GPR158: variants seen among roughly 807,000 people sequenced by gnomAD.
GPR158 encodes G protein-coupled receptor 158.
GPR158 carries 30 observed loss-of-function variants against 78.2 expected under a neutral mutation model. That is an observed-to-expected ratio of 0.38 (90% confidence interval 0.29 to 0.52). GPR158 has a LOEUF of 0.52. Among genes scored for constraint, GPR158 ranks in the 20% least tolerant of loss-of-function variants. The pLI, the probability that GPR158 is intolerant of heterozygous loss-of-function variation, is 0.83. For missense variants in GPR158, 1,463 were observed against 1,523.5 expected, an observed-to-expected ratio of 0.96 and a Z score of 0.66; for synonymous variants, 581 against 591.1, an observed-to-expected ratio of 0.98 and a Z score of 0.25.
At chr10:25,449,767 G>T (rs1422713433) in intron 4 of GPR158, among the ~76,000 whole-genome samples, 2 of 152,068 alleles carry the variant, frequency 1.3e-5, no homozygotes, top group African/African-American at 4.8e-5. Context: ...TGAGGTAATG[G>T]ATATGCTAAT....
chr10:25,583,159 G>A (rs1030836230), intron 7 of GPR158, among the ~76,000 whole-genome samples: 2 of 152,070 alleles, frequency 1.3e-5, no homozygotes, highest in Non-Finnish European at 2.9e-5. Context: ...GCTGGAAAGG[G>A]AACACATACC....
chr10:25,503,810 T>A (rs1437462964), intron 5 of GPR158, among the ~76,000 whole-genome samples: 1 of 152,170 alleles, frequency 6.6e-6, no homozygotes, highest in Non-Finnish European at 1.5e-5. Context: ...TATTTCTTTC[T>A]TTAGTCACAT....
chr10:25,568,511 G>T (rs556070535), intron 6 of GPR158, among the ~76,000 whole-genome samples: 1 of 152,262 alleles, frequency 6.6e-6, no homozygotes, highest in South Asian at 2.1e-4. Context: ...GAAGGTTCCA[G>T]CCACACCAAA....
chr10:25,219,368 G>A (rs1853266339), intron 1 of GPR158, among the ~76,000 whole-genome samples: 1 of 152,166 alleles, frequency 6.6e-6, no homozygotes, highest in South Asian at 2.1e-4. Flanking sequence ...AAAGAGGAAA[G>A]GCATGAACTG....
In GPR158 at chr10:25,599,299, G is replaced by C; in HGVS notation, c.*25G>C. 6.5e-7 allele frequency: 1 copy of C among 1,530,362 alleles called. No individual in the cohort carries two copies. 94.8% of individuals were successfully genotyped at this position (1,530,362 alleles called of 1,614,324 possible). On this transcript the variant is annotated 3_prime_UTR_variant, in exon 11 of 11. Coordinates refer to ENST00000376351, the MANE Select transcript of GPR158 (RefSeq NM_020752.3). ...GCATCTCCAGGAAGAAGAGGAAAAG[G>C]AGGGAACCCCGGATTGGATATGAGA...
chr10:25,338,648 TC>T (rs1216251266), intron 2 of GPR158, among the ~76,000 whole-genome samples: 1 of 93,504 alleles, frequency 1.1e-5, no homozygotes, highest in Non-Finnish European at 3.0e-5. Flanking sequence ...GTTTCATTTG[TC>T]TCCTTTTCAT....
At chr10:25,514,845 A>G (rs565559070) in intron 5 of GPR158, among the ~76,000 whole-genome samples, 1 of 152,250 alleles carries the variant, frequency 6.6e-6, no homozygotes, top group East Asian at 1.9e-4. Flanking sequence ...ATGGGACCCC[A>G]ATCTTTTCTA....
intron 7 of GPR158, among the ~76,000 whole-genome samples, chr10:25,585,598 A>G (rs1319896069): frequency 6.6e-6 from 1 of 152,240 alleles, no homozygotes; most frequent in Non-Finnish European, 1.5e-5. Flanking sequence ...TGAAACATTG[A>G]TTACGATTTT....
At chr10:25,343,434 T>C (rs1289794376) in intron 2 of GPR158, among the ~76,000 whole-genome samples, 1 of 152,026 alleles carries the variant, frequency 6.6e-6, no homozygotes, top group Non-Finnish European at 1.5e-5. Context: ...GTAACTCTGC[T>C]AGCATAATCC....
rs542060543 is a variant in GPR158, at chr10:25,191,995, C to T, written c.902+15673C>T. Among the ~76,000 whole-genome samples the T allele has an allele frequency of 5.9e-5, 9 of 152,232 alleles. No individual in the cohort carries two copies. In the South Asian group the frequency reaches 1.9e-3, roughly 32 times the overall value. On this transcript the variant is annotated intron_variant, in intron 1 of 10. Transcript: ENST00000376351. ...TCTACAGGTTTTTTAAGTACCAGGA[C>T]CATATTTTGTGACTTCCTGTATTCA...
intron 5 of GPR158, among the ~76,000 whole-genome samples, chr10:25,505,072 G>C (rs1161033956): frequency 6.6e-6 from 1 of 152,206 alleles, no homozygotes; most frequent in Non-Finnish European, 1.5e-5. Flanking sequence ...GAATTGTTAT[G>C]AGGATTAAAT....
At chr10:25,441,735 C>G (rs1835070916) in intron 4 of GPR158, among the ~76,000 whole-genome samples, 1 of 152,130 alleles carries the variant, frequency 6.6e-6, no homozygotes, top group South Asian at 2.1e-4. Context: ...TTTTTATATC[C>G]TGAAACCTAA....
chr10:25,493,772 T>C lies in GPR158; in HGVS notation c.1404+27053T>C, dbSNP rs150320747. On this transcript the variant is annotated intron_variant, in intron 5 of 10. Coordinates refer to ENST00000376351, the MANE Select transcript of GPR158 (RefSeq NM_020752.3). ...TCTATAGTAAAATATCATTTGAATC[T>C]CAAGGCTGTGAAAGTGTATATTTTG... 2.1e-3 allele frequency among the ~76,000 whole-genome samples: 323 copies of C among 152,348 alleles called. 1 individual carries two copies. Among genetic ancestry groups the C allele is most frequent in the African/African-American group, 7.5e-3 (313 of 41,580 alleles).
At chr10:25,242,050 A>G (rs1853635451) in intron 2 of GPR158, among the ~76,000 whole-genome samples, 1 of 152,386 alleles carries the variant, frequency 6.6e-6, no homozygotes, top group East Asian at 1.9e-4. Flanking sequence ...TAAACTAAAC[A>G]TGGCAATTTA....
At chr10:25,517,690 A>G (rs953001107) in intron 5 of GPR158, among the ~76,000 whole-genome samples, 2 of 151,452 alleles carry the variant, frequency 1.3e-5, no homozygotes, top group African/African-American at 4.8e-5. Context: ...ATTTGCGTAT[A>G]TTGAACCAGC....
chr10:25,512,546 C>T (rs923672356), intron 5 of GPR158, among the ~76,000 whole-genome samples: 3 of 152,048 alleles, frequency 2.0e-5, no homozygotes, highest in Admixed American at 6.6e-5. Flanking sequence ...TCTGCTCTGG[C>T]TAGGACTTCC....
intron 2 of GPR158, among the ~76,000 whole-genome samples, chr10:25,366,684 G>C (rs1338978391): frequency 6.6e-6 from 1 of 151,568 alleles, no homozygotes; most frequent in Non-Finnish European, 1.5e-5. Context: ...CTCCTGTCTA[G>C]CTGAAATTTT....
intron 4 of GPR158, among the ~76,000 whole-genome samples, chr10:25,456,080 A>G (rs1192415794): frequency 2.0e-5 from 3 of 152,112 alleles, no homozygotes; most frequent in Non-Finnish European, 2.9e-5. Context: ...GCTACCCTAC[A>G]ACCCTTTATA....
intron 2 of GPR158, among the ~76,000 whole-genome samples, chr10:25,347,782 TTAAAA>T (rs758257276): frequency 2.0e-5 from 3 of 152,016 alleles, no homozygotes; most frequent in South Asian, 4.1e-4. Flanking sequence ...ATTTTGAAAT[TTAAAA>T]TAAGTTGATC....
Sources: allele counts gnomAD v4.1 joint callset (sites outside exome capture counted in the v4.1 genomes callset), GRCh38; gene constraint gnomAD v4.1.1; transcripts MANE v1.5; gene names NCBI Gene and HGNC (gene_info 2026-07-23, HGNC 2026-07-21).